Variants in FHIT observed in about 807,000 individuals in gnomAD.
The protein encoded by FHIT is fragile histidine triad diadenosine triphosphatase, also known as bis(5'-adenosyl)-triphosphatase.
A neutral mutation model predicts 17.9 loss-of-function variants in FHIT; 19 were observed. The ratio of observed to expected loss-of-function variants is 1.06; its 90% CI spans 0.74 to 1.56. The LOEUF is 1.56. Among genes scored for constraint, FHIT ranks in the 40% most tolerant of loss-of-function variants. The pLI is 0.00. For missense variants in FHIT, 248 were observed against 189.2 expected (o/e 1.31, Z -1.82); for synonymous variants, 81 against 69.7 (o/e 1.16, Z -0.81).
At chr3:60,603,022 C>A (rs1553669409) in intron 4 of FHIT, among the ~76,000 whole-genome samples, 1 of 152,126 alleles carries the variant, frequency 6.6e-6, no homozygotes, top group East Asian at 1.9e-4. Context: ...TATTTTGCTA[C>A]AGCAGCCCAA....
At chr3:60,632,277 A>G (rs2039465666) in intron 4 of FHIT, among the ~76,000 whole-genome samples, 1 of 152,120 alleles carries the variant, frequency 6.6e-6, no homozygotes, top group Admixed American at 6.6e-5. Flanking sequence ...CAGGAGTTCT[A>G]CTCACTCAGT....
chr3:61,195,181 T>C (rs1391194974), intron 2 of FHIT, among the ~76,000 whole-genome samples: 1 of 151,982 alleles, frequency 6.6e-6, no homozygotes, highest in African/African-American at 2.4e-5. Flanking sequence ...AAGTTCTCAT[T>C]GCTTTTGTAC....
chr3:61,247,276 C>A (rs570550098), intron 1 of FHIT, among the ~76,000 whole-genome samples: 1 of 152,194 alleles, frequency 6.6e-6, no homozygotes, highest in South Asian at 2.1e-4. Flanking sequence ...TGCATCACTT[C>A]TTTTCAGTAA....
At chr3:59,976,755 T>C (rs1048686017) in intron 7 of FHIT, among the ~76,000 whole-genome samples, 1 of 152,122 alleles carries the variant, frequency 6.6e-6, no homozygotes, top group Non-Finnish European at 1.5e-5. Flanking sequence ...ATATTCAGTT[T>C]AGACTCAAAG....
At chr3:60,951,709 G>T (rs1708892591) in intron 3 of FHIT, among the ~76,000 whole-genome samples, 1 of 150,798 alleles carries the variant, frequency 6.6e-6, no homozygotes, top group Admixed American at 6.6e-5. Context: ...CTGGCTAAAA[G>T]ATGTAAGAAA....
chr3:59,997,855 A>G (rs2107491643), intron 7 of FHIT, among the ~76,000 whole-genome samples: 1 of 152,286 alleles, frequency 6.6e-6, no homozygotes, highest in Middle Eastern at 3.4e-3. Context: ...CAGTGGGGTG[A>G]TAAATATAAG....
In FHIT at chr3:60,955,615, T is replaced by TATAC. The variant is rs1559862352; in HGVS notation, c.-111+86431_-111+86432insGTAT. On this transcript the variant is annotated intron_variant, in intron 3 of 9. Transcript: ENST00000492590. The stretch of plus-strand genomic sequence containing the variant: ...ATATATACATATATATATATATATA[T>TATAC]ATATATATATATATATATACACACA... Among the ~76,000 whole-genome samples, 13 of 12,396 alleles carry TATAC rather than the reference T, an allele frequency of 1.0e-3. No individual in the cohort carries two copies. In the East Asian group the frequency reaches 0.19, roughly 183 times the overall value. The allele number at this position is 12,396 out of a possible 152,430, so 8.1% of individuals were successfully genotyped here.
chr3:59,870,356 T>C (rs1031158859), intron 8 of FHIT, among the ~76,000 whole-genome samples: 1 of 152,230 alleles, frequency 6.6e-6, no homozygotes, highest in Admixed American at 6.5e-5. Context: ...GCCCTGTATA[T>C]AGAAAAGCTC....
At chr3:61,063,516 A>C (rs140301328) in intron 2 of FHIT, among the ~76,000 whole-genome samples, 10 of 152,292 alleles carry the variant, frequency 6.6e-5, no homozygotes, top group African/African-American at 2.4e-4. Context: ...GGGAAGGATG[A>C]AAGAGAAGGG....
intron 8 of FHIT, among the ~76,000 whole-genome samples, chr3:59,880,018 A>G (rs1050920603): frequency 1.3e-5 from 2 of 151,386 alleles, no homozygotes; most frequent in African/African-American, 4.9e-5. Context: ...AGGTAATCAA[A>G]GACAGAACAC....
chr3:61,057,378 C>T (rs1331183745), intron 2 of FHIT, among the ~76,000 whole-genome samples: 1 of 152,014 alleles, frequency 6.6e-6, no homozygotes, highest in African/African-American at 2.4e-5. Flanking sequence ...GAATGGCATC[C>T]ATATGTTACT....
chr3:60,340,435 C>G (rs915710381), intron 5 of FHIT, among the ~76,000 whole-genome samples: 22 of 152,140 alleles, frequency 1.4e-4, no homozygotes, highest in African/African-American at 5.1e-4. Context: ...AATGGTAATC[C>G]ACTGCAGCCC....
At chr3:60,907,720 G>C (rs1373623988) in intron 3 of FHIT, among the ~76,000 whole-genome samples, 1 of 152,134 alleles carries the variant, frequency 6.6e-6, no homozygotes, top group Non-Finnish European at 1.5e-5. Context: ...ACAACAAAAT[G>C]TTAATAACTG....
At chr3:59,779,215 C>G (rs1462702141) in intron 8 of FHIT, among the ~76,000 whole-genome samples, 3 of 152,180 alleles carry the variant, frequency 2.0e-5, no homozygotes, top group Non-Finnish European at 4.4e-5. Context: ...GAGATGCCAT[C>G]ATTAGGTGCC....
At chr3:60,485,753 C>A (rs963715409) in intron 5 of FHIT, among the ~76,000 whole-genome samples, 1 of 151,884 alleles carries the variant, frequency 6.6e-6, no homozygotes, top group Admixed American at 6.6e-5. Flanking sequence ...ATGTTCTGCA[C>A]GTGTATCCTG....
chr3:59,813,793 C>T (rs1300270809), intron 8 of FHIT, among the ~76,000 whole-genome samples: 1 of 152,090 alleles, frequency 6.6e-6, no homozygotes, highest in Non-Finnish European at 1.5e-5. Context: ...CGGGGTTGGG[C>T]ATACACGTGA....
At chr3:59,799,513 G>A (rs1250105005) in intron 8 of FHIT, among the ~76,000 whole-genome samples, 1 of 152,168 alleles carries the variant, frequency 6.6e-6, no homozygotes, top group Non-Finnish European at 1.5e-5. Flanking sequence ...GGGAGAAAGT[G>A]GAAACAGCAA....
intron 7 of FHIT, among the ~76,000 whole-genome samples, chr3:59,955,621 A>G (rs114258659): frequency 0.014 from 2,056 of 152,244 alleles, 12 homozygotes; most frequent in South Asian, 0.021. Context: ...CAATATGTCA[A>G]AAACTGAACT....
chr3:60,996,976 A>G (rs74775321), intron 3 of FHIT, among the ~76,000 whole-genome samples: 5 of 152,378 alleles, frequency 3.3e-5, no homozygotes, highest in African/African-American at 9.6e-5. Flanking sequence ...TTGAAAAACA[A>G]TAAGAGAAAT....
Sources: allele counts gnomAD v4.1 joint callset (sites outside exome capture counted in the v4.1 genomes callset), GRCh38; gene constraint gnomAD v4.1.1; transcripts MANE v1.5; gene names NCBI Gene and HGNC (gene_info 2026-07-23, HGNC 2026-07-21).